The following OTC variants were observed in gnomAD, a reference collection of about 807,000 sequenced individuals.
OTC encodes the protein ornithine transcarbamylase, mitochondrial.
Under a neutral mutation model 30.3 loss-of-function variants are expected in OTC, and 3 were observed. That is an observed-to-expected ratio of 0.10 (90% CI 0.05 to 0.26). OTC has a LOEUF of 0.26. Ranked by LOEUF, OTC falls within the 10% of genes least tolerant of loss-of-function variation. The pLI, the probability that OTC is intolerant of heterozygous loss-of-function variation, is 1.00. For missense variants in OTC, 194 were observed against 260.3 expected, an observed-to-expected ratio of 0.75 and a Z score of 1.75; for synonymous variants, 111 against 99.7, an observed-to-expected ratio of 1.11 and a Z score of -0.67.
At position 38,360,339 on chromosome X, in the gene OTC, C is replaced by T. The variant is rs770901005; in HGVS notation, c.78-6952C>T. ...ACATTCCAAGCACTGTACTAAGCAC[C>T]GGGTATATATTAGTGAATAAAATAG... On this transcript the variant is annotated intron_variant, in intron 1 of 9. Transcript: ENST00000039007. Among the ~76,000 whole-genome samples the T allele has an allele frequency of 2.7e-5, 3 of 111,510 alleles. No individual in the cohort carries two copies. In the East Asian group the frequency reaches 8.4e-4, roughly 31 times the overall value.
At chrX:38,388,592 GCTTT>G (rs767165886) in intron 4 of OTC, among the ~76,000 whole-genome samples, 75 of 111,282 alleles carry the variant, frequency 6.7e-4, no homozygotes, top group South Asian at 1.5e-3. Flanking sequence ...CAGTTTCAAG[GCTTT>G]CTGTTTCTTC....
At chrX:38,405,902 A>G (rs2068513918) in intron 6 of OTC, among the ~76,000 whole-genome samples, 1 of 112,480 alleles carries the variant, frequency 8.9e-6, no homozygotes, top group Non-Finnish European at 1.9e-5. Flanking sequence ...GATGAAACAT[A>G]CATTAACAAT....
chrX:38,397,093 C>CTATAGT (rs78270857), intron 4 of OTC, among the ~76,000 whole-genome samples: 28,983 of 110,403 alleles, frequency 0.26, 3,365 homozygotes, highest in African/African-American at 0.41. Flanking sequence ...AAATATCTAT[C>CTATAGT]TATAGTTATA....
intron 4 of OTC, among the ~76,000 whole-genome samples, chrX:38,400,308 T>C (rs1245636260): frequency 9.0e-6 from 1 of 111,321 alleles, no homozygotes; most frequent in Non-Finnish European, 1.9e-5. Context: ...AAAAATATTG[T>C]TATAGGAATA....
intron 9 of OTC, among the ~76,000 whole-genome samples, chrX:38,413,249 T>C (rs2068552467): frequency 4.5e-5 from 5 of 112,350 alleles, no homozygotes; most frequent in African/African-American, 1.3e-4. Flanking sequence ...ATTAAAGTAA[T>C]ATGTGTAAAG....
the OTC span, among the ~76,000 whole-genome samples, chrX:38,331,261 AT>A: frequency 1.2e-4 from 13 of 105,625 alleles, no homozygotes; most frequent in Middle Eastern, 4.9e-3. Context: ...TCTATATAGT[AT>A]TTTTTTTTTG....
At chrX:38,366,844 C>T (rs952023229) in intron 1 of OTC, among the ~76,000 whole-genome samples, 30 of 111,435 alleles carry the variant, frequency 2.7e-4, no homozygotes, top group Non-Finnish European at 3.8e-4. Flanking sequence ...CAAATTTCAA[C>T]GCATTAACAC....
intron 1 of OTC, among the ~76,000 whole-genome samples, chrX:38,360,493 C>T (rs896144643): frequency 9.0e-6 from 1 of 111,460 alleles, no homozygotes; most frequent in Non-Finnish European, 1.9e-5. Context: ...AAAGTGAAGA[C>T]TACTTAGACA....
chrX:38,342,593 C>T, the OTC span, among the ~76,000 whole-genome samples: 8 of 111,658 alleles, frequency 7.2e-5, no homozygotes, highest in African/African-American at 2.3e-4. Flanking sequence ...CCAGATGATT[C>T]GCTTACTTCT....
At chrX:38,358,620 A>ATTT (rs1194488054) in intron 1 of OTC, among the ~76,000 whole-genome samples, 1,748 of 88,291 alleles carry the variant, frequency 0.02, 77 homozygotes, top group African/African-American at 0.067. Flanking sequence ...CTGTGGTGGA[A>ATTT]TTTTTTTTTT....
intron 6 of OTC, 89 bp downstream of exon 6, chrX:38,403,829 T>A: frequency 2.0e-6 from 2 of 1,004,161 alleles, no homozygotes; most frequent in Non-Finnish European, 2.8e-6. Context: ...TCTCTTCCAT[T>A]TAAGTATAGC....
chrX:38,364,486 T>C (rs1042593820), intron 1 of OTC, among the ~76,000 whole-genome samples: 1 of 112,201 alleles, frequency 8.9e-6, no homozygotes, highest in African/African-American at 3.2e-5. Flanking sequence ...ATGTCATCAA[T>C]GTCTTAGATT....
At chrX:38,419,367 T>C (rs1356499036) in intron 9 of OTC, among the ~76,000 whole-genome samples, 1 of 112,388 alleles carries the variant, frequency 8.9e-6, no homozygotes, top group African/African-American at 3.2e-5. Context: ...TTGATTTATG[T>C]GAAAAATGAC....
At chrX:38,342,655 C>T in the OTC span, among the ~76,000 whole-genome samples, 1 of 111,656 alleles carries the variant, frequency 9.0e-6, no homozygotes, top group Non-Finnish European at 1.9e-5. Context: ...TCCATGAACT[C>T]CTTGGTTCCC....
chrX:38,340,459 G>GTTTTTTTTTTTTTTT, the OTC span, among the ~76,000 whole-genome samples: 2 of 60,537 alleles, frequency 3.3e-5, no homozygotes, highest in African/African-American at 6.5e-5. Context: ...TTGTTTTTTT[G>GTTTTTTTTTTTTTTT]TTTTTTTTTT....
At chrX:38,344,902 AAAAAAAG>A in the OTC span, among the ~76,000 whole-genome samples, 297 of 111,140 alleles carry the variant, frequency 2.7e-3, no homozygotes, top group Non-Finnish European at 4.7e-3. Context: ...AAGTAAAAAA[AAAAAAAG>A]AAGAAGAATA....
rs182125942 is a variant in OTC at position 38,387,509 on chromosome X, G to T, written c.386+6080G>T. On this transcript the variant is annotated intron_variant, in intron 4 of 9. Coordinates refer to ENST00000039007, the MANE Select transcript of OTC (RefSeq NM_000531.6). Reference sequence around the variant, plus strand: ...AAATCTCGTTAGCTTGGTCTGAGTTGCATTTTGTATAATCTAGAGGTGACT... The same window carrying T: ...AAATCTCGTTAGCTTGGTCTGAGTTTCATTTTGTATAATCTAGAGGTGACT... 1.2e-3 allele frequency among the ~76,000 whole-genome samples: 138 copies of T among 111,663 alleles called. 1 individual carries two copies. Among genetic ancestry groups the T allele is most frequent in the Non-Finnish European group, 1.5e-3 (78 of 53,166 alleles).
intron 6 of OTC, among the ~76,000 whole-genome samples, chrX:38,407,084 G>A (rs1472484945): frequency 8.9e-6 from 1 of 112,747 alleles, no homozygotes; most frequent in African/African-American, 3.2e-5. Context: ...AGGAAGGGAA[G>A]GAAGCAGGAG....
intron 1 of OTC, among the ~76,000 whole-genome samples, chrX:38,357,303 T>G (rs934768831): frequency 1.8e-5 from 2 of 112,560 alleles, no homozygotes; most frequent in Middle Eastern, 9.3e-3. Context: ...TTGATCAAGC[T>G]GGCCAATCTA....
Sources: gnomAD v4.1 joint callset for allele counts (sites outside exome capture counted in the v4.1 genomes callset) on GRCh38, gnomAD v4.1.1 for gene constraint, MANE v1.5 for transcripts, NCBI Gene and HGNC (gene_info 2026-07-23, HGNC 2026-07-21) for gene names.